The following LAMB3 variants were observed in gnomAD, a reference collection of about 807,000 sequenced individuals.
LAMB3 encodes the protein laminin subunit beta-3.
LAMB3 carries 104 observed loss-of-function variants against 140.3 expected under a neutral mutation model. The observed-to-expected ratio is 0.74, with a 90% CI of 0.63 to 0.87. The LOEUF (loss-of-function observed/expected upper bound fraction) is 0.87, where lower values mean the gene tolerates loss of function less well. Ranked by LOEUF, LAMB3 falls within the 40% of genes least tolerant of loss-of-function variation. The pLI is 0.00. For synonymous variants in LAMB3, 592 were observed against 602.9 expected, an observed-to-expected ratio of 0.98 and a Z score of 0.26; for missense variants, 1,531 against 1,575.2, an observed-to-expected ratio of 0.97 and a Z score of 0.47.
rs747666767 is a variant in LAMB3, at chr1:209,622,639, A to G, written c.2598T>C (p.Ser866=). The G allele has an allele frequency of 6.2e-7, 1 of 1,614,148 alleles. No homozygotes were observed. Among genetic ancestry groups the G allele is most frequent in the Non-Finnish European group, 8.5e-7 (1 of 1,180,010 alleles). Residue 866 remains serine, a synonymous_variant, in exon 18 of 23, where the codon AGT becomes AGC. Transcript: ENST00000356082. ...TCACCTGGGTCTCCAAGCGCTGGGC[A>G]CTGGATTGAATCTGTGAGGCAGATT... The part of the protein sequence containing the change: ...AEESASQIQS[S]AQRLETQVSA...
intron 22 of LAMB3, among the ~76,000 whole-genome samples, chr1:209,615,614 C>T (rs1261849222): frequency 1.3e-5 from 2 of 152,226 alleles, no homozygotes; most frequent in African/African-American, 4.8e-5. Flanking sequence ...AGGGGCCAAA[C>T]CCAGCAGGCT....
chr1:209,643,539 A>G (rs565444143), intron 3 of LAMB3, among the ~76,000 whole-genome samples: 45 of 152,252 alleles, frequency 3.0e-4, no homozygotes, highest in Non-Finnish European at 1.9e-4. Context: ...TGGAAGATGA[A>G]CCCTCCCAGA....
At chr1:209,650,783 G>A (rs1472010319) in intron 2 of LAMB3, 134 bp downstream of exon 2, 4 of 867,662 alleles carry the variant, frequency 4.6e-6, no homozygotes, top group Non-Finnish European at 6.0e-6. Context: ...GGTGTCCCCA[G>A]TAGACAAGTA....
rs76690225 is a variant in LAMB3, at chr1:209,629,819, G to A, written c.1050C>T (p.Thr350=). The change falls in exon 10 of 23, where the codon ACC becomes ACT. Residue 350 remains threonine, a synonymous_variant. Transcript: ENST00000356082. The part of the protein sequence containing the change: ...GGVCDNCRDH[T]EGKNCERCQL... The stretch of plus-strand genomic sequence containing the variant: ...GACACCGCTCACAGTTCTTGCCTTC[G>A]GTGTGGTCCCGGCAATTGTCACACA... The A allele has an allele frequency of 9.9e-6, 16 of 1,613,910 alleles. 1 individual carries two copies. The South Asian group carries it at 1.2e-4, about 12-fold the overall frequency.
At chr1:209,640,817 C>T (rs1175351888) in intron 3 of LAMB3, among the ~76,000 whole-genome samples, 1 of 152,084 alleles carries the variant, frequency 6.6e-6, no homozygotes, top group African/African-American at 2.4e-5. Context: ...CGCGGTGGCT[C>T]ACGCCTATAA....
chr1:209,642,997 T>C (rs1269697182), intron 3 of LAMB3, among the ~76,000 whole-genome samples: 1 of 152,220 alleles, frequency 6.6e-6, no homozygotes, highest in Non-Finnish European at 1.5e-5. Flanking sequence ...GCTTACAAAC[T>C]GCATGCTGCT....
Position 209,617,474 on chromosome 1 carries a change from GC to G in LAMB3, c.3163del (p.Ala1055GlnfsTer18). ...AAGCTGCTGGGCCTGGACTGCCTCTGCCCCCTGCTGCCGGGCTTGGTGGCGG... is the reference window on the plus strand; with the variant it reads ...AAGCTGCTGGGCCTGGACTGCCTCTGCCCCTGCTGCCGGGCTTGGTGGCGG... ...ELRHQARQQG[A>X]EAVQAQQLAE... On this transcript the variant is annotated frameshift_variant, in exon 21 of 23. Coordinates refer to ENST00000356082, the MANE Select transcript of LAMB3 (RefSeq NM_000228.3). LOFTEE classifies it high-confidence loss of function. 6.2e-7 allele frequency: 1 copy of G among 1,613,722 alleles called. No individual in the cohort carries two copies. Among genetic ancestry groups the G allele is most frequent in the Non-Finnish European group, 8.5e-7 (1 of 1,180,052 alleles).
At chr1:209,639,694 C>A (rs190437105) in intron 3 of LAMB3, among the ~76,000 whole-genome samples, 150 of 152,290 alleles carry the variant, frequency 9.8e-4, no homozygotes, top group African/African-American at 3.2e-3. Flanking sequence ...GATAACACGA[C>A]CTTTTCCCAG....
chr1:209,622,384 G>T, intron 18 of LAMB3, 152 bp downstream of exon 18: 2 of 896,140 alleles, frequency 2.2e-6, no homozygotes, highest in South Asian at 2.7e-5. Flanking sequence ...GGGAGAACGA[G>T]AAGGTCATGG....
At chr1:209,644,631 G>T (rs569160029) in intron 3 of LAMB3, among the ~76,000 whole-genome samples, 1 of 151,760 alleles carries the variant, frequency 6.6e-6, no homozygotes, top group African/African-American at 2.4e-5. Context: ...CCAGCATACT[G>T]GTGCTGTTCT....
intron 18 of LAMB3, among the ~76,000 whole-genome samples, chr1:209,619,163 G>T (rs773275619): frequency 3.3e-5 from 5 of 152,212 alleles, no homozygotes; most frequent in Non-Finnish European, 7.3e-5. Context: ...TTCTCAGGGA[G>T]GCCAACCCCA....
Position 209,626,884 on chromosome 1 carries a change from A to G in LAMB3, c.1580T>C (p.Val527Ala), listed in dbSNP as rs1381927197. ...RQCPDRTYGD[V>A]ATGCRACDCD... is the part of the protein sequence containing the mutation. ...GCATGCACCTCGGCATCCTGTGGCCACGTCTCCATAGGTCCGGTCTGGACA... is the reference window on the plus strand; with the variant it reads ...GCATGCACCTCGGCATCCTGTGGCCGCGTCTCCATAGGTCCGGTCTGGACA... Residue 527 changes from valine to alanine, a missense_variant, in exon 13 of 23, where the codon GTG becomes GCG. Physicochemically the swap from Val to Ala is moderately conservative, Grantham distance 64 (BLOSUM62 0). Coordinates refer to ENST00000356082, the MANE Select transcript of LAMB3 (RefSeq NM_000228.3). 6.2e-7 allele frequency: 1 copy of G among 1,613,714 alleles called. No homozygotes were observed. Among genetic ancestry groups the G allele is most frequent in the South Asian group, 1.1e-5 (1 of 91,064 alleles).
At chr1:209,647,428 A>G (rs756785589) in intron 3 of LAMB3, among the ~76,000 whole-genome samples, 2 of 152,242 alleles carry the variant, frequency 1.3e-5, no homozygotes, top group Non-Finnish European at 2.9e-5. Flanking sequence ...TGAGCAAGGC[A>G]GAAATGTCCA....
intron 14 of LAMB3, among the ~76,000 whole-genome samples, chr1:209,624,880 G>GAGGAAGGAAGGA (rs397962425): frequency 0.049 from 4,973 of 100,748 alleles, 212 homozygotes; most frequent in East Asian, 0.1. Flanking sequence ...GAAAGAGAGA[G>GAGGAAGGAAGGA]AGGAAGGAAG....
At chr1:209,644,553 C>T (rs186998985) in intron 3 of LAMB3, among the ~76,000 whole-genome samples, 4 of 151,908 alleles carry the variant, frequency 2.6e-5, no homozygotes, top group South Asian at 2.1e-4. Flanking sequence ...GGATGAAGCA[C>T]AGATTCTTGT....
At position 209,623,067 on chromosome 1, in the gene LAMB3, C is replaced by G. The variant is rs1478560819; in HGVS notation, c.2471G>C (p.Arg824Thr). ...CGCCATCAAGAAGGCCCCACCGGCC[C>G]TGGGAAGGACACCCCTGCAGCGGGA... ...CGSRCRGVLP[R>T]AGGAFLMAGQ... is the part of the protein sequence containing the mutation. Residue 824 changes from arginine (R) to threonine (T), a missense_variant, in exon 17 of 23, where the codon AGG becomes ACG. Arg to Thr is a moderately conservative substitution (Grantham distance 71). Transcript: ENST00000356082. This position sits in a 1 kb window ranked among gnomAD's most constrained non-coding sequence, Gnocchi z 4.2. 6.2e-7 allele frequency: 1 copy of G among 1,614,088 alleles called. No homozygotes were observed. The highest frequency in any genetic ancestry group is 8.5e-7 in the Non-Finnish European group (1 of 1,180,042).
In LAMB3 at chr1:209,625,966, C is replaced by T. The variant is rs375264939; in HGVS notation, c.1658G>A (p.Cys553Tyr). ...GPGCDKASGR[C>Y]LCRPGLTGPR... is the part of the protein sequence containing the mutation. ...CCCGGTCAAGCCAGGGCGGCAGAGGCAGCGGCCTGATGCCTTGTCGCAGCC... is the reference window on the plus strand; with the variant it reads ...CCCGGTCAAGCCAGGGCGGCAGAGGTAGCGGCCTGATGCCTTGTCGCAGCC... Residue 553 changes from cysteine (C) to tyrosine (Y), a missense_variant, in exon 14 of 23, where the codon TGC (cysteine) becomes TAC (tyrosine). Physicochemically the swap from Cys to Tyr is radical, Grantham distance 194. Coordinates refer to ENST00000356082, the MANE Select transcript of LAMB3 (RefSeq NM_000228.3). 7.4e-6 allele frequency: 12 copies of T among 1,613,676 alleles called. No homozygotes were observed. The highest frequency in any genetic ancestry group is 1.0e-5 in the Non-Finnish European group (12 of 1,179,862).
chr1:209,630,097 C>A (rs1026177176), intron 9 of LAMB3, among the ~76,000 whole-genome samples, 172 bp from the exon 10 acceptor site: 2 of 152,126 alleles, frequency 1.3e-5, no homozygotes, highest in Non-Finnish European at 2.9e-5. Flanking sequence ...GGTTACATGA[C>A]CAATAAGAAA....
At chr1:209,634,988 C>G (rs1452457313) in intron 5 of LAMB3, among the ~76,000 whole-genome samples, 6 of 151,382 alleles carry the variant, frequency 4.0e-5, no homozygotes, top group Non-Finnish European at 1.5e-5. Flanking sequence ...GAACTCATGT[C>G]CAGCCTCCTC....
Sources: gnomAD v4.1 joint callset for allele counts (sites outside exome capture counted in the v4.1 genomes callset) on GRCh38, gnomAD v4.1.1 for gene constraint, Gnocchi (gnomAD v3.1) non-coding constraint, MANE v1.5 for transcripts, NCBI Gene and HGNC (gene_info 2026-07-23, HGNC 2026-07-21) for gene names.